The following ABTB2 variants were observed in gnomAD, a reference collection of about 807,000 sequenced individuals.
The protein encoded by ABTB2 is ankyrin repeat and BTB domain containing 2.
A neutral mutation model predicts 104.1 loss-of-function variants in ABTB2; 56 were observed. The ratio of observed to expected loss-of-function variants is 0.54; its 90% confidence interval spans 0.43 to 0.67. The LOEUF (loss-of-function observed/expected upper bound fraction) is 0.67. Ranked by LOEUF, ABTB2 falls within the 30% of genes least tolerant of loss-of-function variation. The pLI is 0.00. For synonymous variants in ABTB2, 606 were observed against 608.2 expected (o/e 1.00, Z 0.05); for missense variants, 1,279 against 1,407.7 (o/e 0.91, Z 1.46).
chr11:34,244,954 G>C (rs1398322841), intron 1 of ABTB2, among the ~76,000 whole-genome samples: 1 of 152,010 alleles, frequency 6.6e-6, no homozygotes. Context: ...GCTGGATTAA[G>C]CAGAGATCAC....
intron 3 of ABTB2, among the ~76,000 whole-genome samples, chr11:34,194,279 C>G (rs1056073482): frequency 6.6e-6 from 1 of 152,158 alleles, no homozygotes; most frequent in South Asian, 2.1e-4. Flanking sequence ...GCCACCAATC[C>G]CCAAACAGAC....
chr11:34,269,005 G>A (rs1854282012), intron 1 of ABTB2, among the ~76,000 whole-genome samples: 1 of 152,162 alleles, frequency 6.6e-6, no homozygotes, highest in Admixed American at 6.6e-5. Context: ...ATCTTCTGGG[G>A]GACATGATTC....
Position 34,222,483 on chromosome 11 carries a change from A to G in ABTB2, c.884-17793T>C, listed in dbSNP as rs567546931. On this transcript the variant is annotated intron_variant, in intron 1 of 16. Coordinates refer to ENST00000435224, the MANE Select transcript of ABTB2 (RefSeq NM_145804.3). Reference sequence around the variant, plus strand: ...TTTTAATTTTGGTTCACAGAGCCCTAAGCATCCGAGTGGGAGGTGAGGAGC... The same window carrying G: ...TTTTAATTTTGGTTCACAGAGCCCTGAGCATCCGAGTGGGAGGTGAGGAGC... Among the ~76,000 whole-genome samples the G allele has an allele frequency of 7.9e-5, 12 of 152,288 alleles. No individual in the cohort carries two copies. In the South Asian group the frequency reaches 2.5e-3, roughly 32 times the overall value.
chr11:34,296,572 T>C (rs757612673), intron 1 of ABTB2, among the ~76,000 whole-genome samples: 2 of 152,132 alleles, frequency 1.3e-5, no homozygotes, highest in African/African-American at 2.4e-5. Context: ...AAGGCCAGTG[T>C]GCCCTGTGGA....
intron 3 of ABTB2, among the ~76,000 whole-genome samples, chr11:34,185,765 G>T (rs1407709407): frequency 2.0e-5 from 3 of 152,108 alleles, no homozygotes; most frequent in Non-Finnish European, 4.4e-5. Flanking sequence ...TACACAGTAT[G>T]ATGACTATAG....
chr11:34,353,026 C>T (rs1855418343), intron 1 of ABTB2, among the ~76,000 whole-genome samples: 1 of 152,206 alleles, frequency 6.6e-6, no homozygotes, highest in Non-Finnish European at 1.5e-5. Flanking sequence ...TTTACCACTG[C>T]ACTCCAGCCT....
chr11:34,317,467 A>C lies in ABTB2; in HGVS notation c.883+39234T>G, dbSNP rs1475671408. Among the ~76,000 whole-genome samples the C allele has an allele frequency of 2.0e-5, 3 of 152,158 alleles. No individual in the cohort carries two copies. The East Asian group carries it at 5.8e-4, about 29-fold the overall frequency. ...AGAGTGCGAAAACAGTAAGAGAAAC[A>C]CTTGGTCAACGAAATTAAGAATGGG... On this transcript the variant is annotated intron_variant, in intron 1 of 16. Transcript: ENST00000435224.
intron 1 of ABTB2, among the ~76,000 whole-genome samples, chr11:34,300,499 C>A (rs759022102): frequency 6.6e-5 from 10 of 152,166 alleles, no homozygotes; most frequent in Admixed American, 6.5e-4. Flanking sequence ...AAACGAGAAG[C>A]CTGAAAGGCA....
At chr11:34,244,282 A>G (rs903645662) in intron 1 of ABTB2, among the ~76,000 whole-genome samples, 11 of 152,372 alleles carry the variant, frequency 7.2e-5, no homozygotes, top group African/African-American at 2.6e-4. Flanking sequence ...AAGGCAATCT[A>G]TCAGGACTCC....
At chr11:34,273,374 C>T (rs998837555) in intron 1 of ABTB2, among the ~76,000 whole-genome samples, 4 of 152,212 alleles carry the variant, frequency 2.6e-5, no homozygotes, top group Admixed American at 6.5e-5. Context: ...GGCCCGGGGT[C>T]TCTCTGTTGG....
intron 1 of ABTB2, among the ~76,000 whole-genome samples, chr11:34,210,783 T>A (rs1013825631): frequency 1.3e-5 from 2 of 152,188 alleles, no homozygotes; most frequent in Non-Finnish European, 1.5e-5. Flanking sequence ...GATTACTCCT[T>A]TACTGCACTC....
At chr11:34,329,772 CT>C (rs777530272) in intron 1 of ABTB2, among the ~76,000 whole-genome samples, 15 of 152,176 alleles carry the variant, frequency 9.9e-5, no homozygotes, top group Non-Finnish European at 1.9e-4. Context: ...ACCAGTGAAC[CT>C]CTGAGTCAAA....
intron 5 of ABTB2, 118 bp downstream of exon 5, chr11:34,170,786 CTT>C: frequency 7.8e-7 from 1 of 1,288,896 alleles, no homozygotes; most frequent in Non-Finnish European, 1.1e-6. Context: ...GGTAGCCCGC[CTT>C]TTCGAAGTAC....
At chr11:34,249,219 G>A (rs1426122949) in intron 1 of ABTB2, among the ~76,000 whole-genome samples, 1 of 152,224 alleles carries the variant, frequency 6.6e-6, no homozygotes, top group African/African-American at 2.4e-5. Context: ...CTTGAGGGGA[G>A]CTGGGGTCAA....
intron 3 of ABTB2, among the ~76,000 whole-genome samples, chr11:34,193,228 G>T (rs1195243918): frequency 2.0e-5 from 3 of 152,220 alleles, no homozygotes. Flanking sequence ...GACACACCCT[G>T]CAGGGCAGCA....
intron 1 of ABTB2, among the ~76,000 whole-genome samples, chr11:34,306,535 C>T (rs1854774834): frequency 6.6e-6 from 1 of 152,032 alleles, no homozygotes; most frequent in Non-Finnish European, 1.5e-5. Context: ...GCGTGAGCCA[C>T]TGCGCCCAGA....
intron 1 of ABTB2, among the ~76,000 whole-genome samples, chr11:34,243,807 G>A (rs1353428953): frequency 6.6e-6 from 1 of 152,198 alleles, no homozygotes; most frequent in South Asian, 2.1e-4. Flanking sequence ...TCTAGAGCAC[G>A]GTTCTTCGCA....
chr11:34,275,946 G>T (rs574876580), intron 1 of ABTB2, among the ~76,000 whole-genome samples: 56 of 152,290 alleles, frequency 3.7e-4, no homozygotes, highest in Admixed American at 2.0e-3. Flanking sequence ...ACACAACAGG[G>T]CCATTGCTAG....
rs909358961 is a variant in ABTB2, at chr11:34,357,131, G to A, written c.453C>T (p.Ala151=). 1 of 1,507,148 alleles carries A rather than the reference G, an allele frequency of 6.6e-7. No individual in the cohort carries two copies. The highest frequency in any genetic ancestry group is 8.8e-7 in the Non-Finnish European group (1 of 1,133,972). The allele number at this position is 1,507,148 out of a possible 1,614,324, so 93.4% of individuals were successfully genotyped here. The change falls in exon 1 of 17, where the codon GCC becomes GCT. Residue 151 remains alanine, a synonymous_variant. Transcript: ENST00000435224. The part of the protein sequence containing the change: ...REAQRLSVLH[A]KCTRFEVQSA... Reference sequence around the variant, plus strand: ...TCTGCACCTCAAAGCGGGTGCACTTGGCGTGCAGCACGCTCAGGCGCTGCG... The same window carrying A: ...TCTGCACCTCAAAGCGGGTGCACTTAGCGTGCAGCACGCTCAGGCGCTGCG...
Sources: gnomAD v4.1 joint callset for allele counts (sites outside exome capture counted in the v4.1 genomes callset) on GRCh38, gnomAD v4.1.1 for gene constraint, MANE v1.5 for transcripts, NCBI Gene and HGNC (gene_info 2026-07-23, HGNC 2026-07-21) for gene names.